The following LTV1 variants were observed in gnomAD, a reference collection of about 807,000 sequenced individuals.
LTV1 encodes protein LTV1 homolog.
A neutral mutation model predicts 59.9 loss-of-function variants in LTV1; 39 were observed. That is an observed-to-expected ratio of 0.65 (90% CI 0.50 to 0.85). LTV1 has a LOEUF of 0.85. Ranked by LOEUF, LTV1 falls within the 40% of genes least tolerant of loss-of-function variation. The pLI is 0.00. For synonymous variants in LTV1, 171 were observed against 189.5 expected, an observed-to-expected ratio of 0.90 and a Z score of 0.80; for missense variants, 493 against 549.1, an observed-to-expected ratio of 0.90 and a Z score of 1.02.
intron 4 of LTV1, among the ~76,000 whole-genome samples, chr6:143,853,962 T>TC: frequency 6.6e-6 from 1 of 152,358 alleles, no homozygotes; most frequent in Non-Finnish European, 1.5e-5. Flanking sequence ...GATGCTGGCC[T>TC]CATAAAATGA....
intron 6 of LTV1, among the ~76,000 whole-genome samples, chr6:143,859,970 G>C (rs1005067628): frequency 2.0e-5 from 3 of 152,120 alleles, no homozygotes; most frequent in Admixed American, 2.0e-4. Context: ...TGGTATGGTG[G>C]CATGTGCCTG....
chr6:143,860,352 A>T (rs1305317526), intron 6 of LTV1, 74 bp from the exon 7 acceptor site: 31 of 1,375,404 alleles, frequency 2.3e-5, no homozygotes, highest in Non-Finnish European at 3.0e-5. Context: ...AGTTAATGTA[A>T]AAAAATTTTT....
At chr6:143,846,533 A>G (rs1315550869) in intron 3 of LTV1, among the ~76,000 whole-genome samples, 1 of 152,238 alleles carries the variant, frequency 6.6e-6, no homozygotes, top group African/African-American at 2.4e-5. Flanking sequence ...TGTTAACAAC[A>G]TAACTGTTTT....
chr6:143,847,258 A>C (rs749519566), intron 3 of LTV1, among the ~76,000 whole-genome samples: 2 of 152,222 alleles, frequency 1.3e-5, no homozygotes, highest in Non-Finnish European at 2.9e-5. Flanking sequence ...CTATTGAAGG[A>C]GAGAAGGGGT....
rs1777204691 is a variant in LTV1, at chr6:143,863,275, G to A, written c.1306G>A (p.Glu436Lys). The A allele has an allele frequency of 6.2e-7, 1 of 1,613,566 alleles. No homozygotes were observed. The highest frequency in any genetic ancestry group is 1.1e-5 in the South Asian group (1 of 91,022). Reference protein sequence around the residue: ...DKRARKQAIKEERKERRVEKK... With the variant: ...DKRARKQAIKKERKERRVEKK... ...AAGAGCAAGAAAGCAAGCTATAAAA[G>A]AAGAGCGCAAGGTAAAATATATTTT... The change falls in exon 10 of 11, where the codon GAA (glutamate) becomes AAA (lysine). Residue 436 changes from glutamate (E) to lysine (K), a missense_variant. Transcript: ENST00000367576. The surrounding 1 kb of genome is among the most constrained non-coding windows in gnomAD (Gnocchi z 4.5).
At chr6:143,860,669 A>G (rs1403555047) in intron 7 of LTV1, 116 bp downstream of exon 7, 3 of 823,282 alleles carry the variant, frequency 3.6e-6, no homozygotes, top group Admixed American at 3.0e-5. Flanking sequence ...GTCAAAATAC[A>G]TATTGAGAAA....
At chr6:143,861,827 T>TTTTTTTTTTTTTTTTTTTTTTTTTTTTTG (rs1554235515) in intron 7 of LTV1, among the ~76,000 whole-genome samples, 1 of 151,532 alleles carries the variant, frequency 6.6e-6, no homozygotes, top group African/African-American at 2.4e-5. Context: ...TATGCTTTTT[T>TTTTTTTTTTTTTTTTTTTTTTTTTTTTTG]AGGCTTTAAA....
intron 6 of LTV1, chr6:143,858,638 G>GATAGAATA (rs1489497783): frequency 2.6e-5 from 4 of 153,422 alleles, no homozygotes; most frequent in African/African-American, 9.7e-5. Context: ...TTTCCTTCAA[G>GATAGAATA]GTGACTCTAA....
At chr6:143,846,845 A>T (rs1776900531) in intron 3 of LTV1, among the ~76,000 whole-genome samples, 1 of 152,148 alleles carries the variant, frequency 6.6e-6, no homozygotes, top group South Asian at 2.1e-4. Context: ...ATGTAGAGTA[A>T]ATTTTCCTGT....
At position 143,863,580 on chromosome 6, in the gene LTV1, T is replaced by TATTG; in HGVS notation, c.*55_*58dup. The TATTG allele has an allele frequency of 8.3e-7, 1 of 1,197,656 alleles. No homozygotes were observed. The highest frequency in any genetic ancestry group is 1.2e-6 in the Non-Finnish European group (1 of 847,182). The allele number at this position is 1,197,656 out of a possible 1,614,324, so 74.2% of individuals were successfully genotyped here. ...TTATTAGGGGCTCCTCATCTTTGGT[T>TATTG]ATTGACTAGAAACTTCAGAAAGACA... On this transcript the variant is annotated 3_prime_UTR_variant, in exon 11 of 11. Transcript: ENST00000367576. The surrounding 1 kb of genome is among the most constrained non-coding windows in gnomAD (Gnocchi z 4.5).
Position 143,862,050 on chromosome 6 carries a change from TA to T in LTV1, c.924-52del. The T allele has an allele frequency of 6.4e-7, 1 of 1,574,300 alleles. No individual in the cohort carries two copies. Among genetic ancestry groups the T allele is most frequent in the Non-Finnish European group, 8.6e-7 (1 of 1,159,580 alleles). ...TTGCAGTTTTAGTGACATAGTATAA[TA>T]ATAGGTCATTTTTCCCCCTCTTGGT... is the stretch of plus-strand genomic sequence containing the variant. On this transcript the variant is annotated intron_variant, in intron 7 of 10. Coordinates refer to ENST00000367576, the MANE Select transcript of LTV1 (RefSeq NM_032860.5). The surrounding 1 kb of genome is among the most constrained non-coding windows in gnomAD (Gnocchi z 4.2).
chr6:143,850,326 T>C (rs1415110457), intron 4 of LTV1, 108 bp downstream of exon 4: 3 of 762,358 alleles, frequency 3.9e-6, no homozygotes, highest in Non-Finnish European at 6.5e-6. Context: ...ACAATTGAGA[T>C]ATGTCTGGAA....
chr6:143,858,496 A>G (rs1008396392), intron 6 of LTV1: 50 of 158,958 alleles, frequency 3.1e-4, no homozygotes, highest in African/African-American at 1.1e-3. Flanking sequence ...GTCTCAGATT[A>G]GAATGTGAAT....
In LTV1 at chr6:143,846,051, A is replaced by G. The variant is rs765391593; in HGVS notation, c.136A>G (p.Ile46Val). The G allele has an allele frequency of 1.2e-6, 2 of 1,612,578 alleles. No homozygotes were observed. The highest frequency in any genetic ancestry group is 1.7e-4 in the Middle Eastern group (1 of 6,050). The stretch of plus-strand genomic sequence containing the variant: ...AGTACTAATTCCATTTCGTTTATAG[A>G]TAGACAATGAAGAAAGGCGAGCAGA... ...PQRVLLPTQK[I>V]DNEERRAEQR... Residue 46 changes from isoleucine (I) to valine (V), a missense_variant and splice_region_variant, in exon 3 of 11, where the codon ATA becomes GTA. Transcript: ENST00000367576.
rs750069906 is a variant in LTV1 at position 143,850,213 on chromosome 6, T to G, written c.392T>G (p.Val131Gly). 3 of 1,611,264 alleles carry G rather than the reference T, an allele frequency of 1.9e-6. No homozygotes were observed. In the Admixed American group the frequency reaches 5.0e-5, roughly 27 times the overall value. Residue 131 changes from valine to glycine, a missense_variant, in exon 4 of 11, where the codon GTT becomes GGT. Coordinates refer to ENST00000367576, the MANE Select transcript of LTV1 (RefSeq NM_032860.5). The part of the protein sequence containing the change: ...DVGLLNKAAP[V>G]SGPRLDFDPD... ...GGATTGTTAAATAAAGCAGCTCCAG[T>G]TTCAGGTATTTTTAATTGCTTTATC...
chr6:143,860,801 G>A (rs546538994), intron 7 of LTV1, among the ~76,000 whole-genome samples: 120 of 152,210 alleles, frequency 7.9e-4, no homozygotes, highest in African/African-American at 2.8e-3. Flanking sequence ...GGTGTTAAAT[G>A]TTCTGAAGTA....
chr6:143,862,375 A>G lies in LTV1; in HGVS notation c.1063+132A>G. 3 of 683,902 alleles carry G rather than the reference A, an allele frequency of 4.4e-6. No individual in the cohort carries two copies. The highest frequency in any genetic ancestry group is 7.1e-6 in the Non-Finnish European group (3 of 425,294). 42.4% of individuals were successfully genotyped at this position (683,902 alleles called of 1,614,324 possible). A position where few individuals can be genotyped will look rare whatever the true frequency, so the allele number is the denominator to read the frequency against. On this transcript the variant is annotated intron_variant, in intron 8 of 10. Coordinates refer to ENST00000367576, the MANE Select transcript of LTV1 (RefSeq NM_032860.5). The surrounding 1 kb of genome is among the most constrained non-coding windows in gnomAD (Gnocchi z 4.2). ...CGAGGCGGGTGGGTCACCTGATGTCAGGAGTTCAAGACCAGCCTGGCCAAC... is the reference window on the plus strand; with the variant it reads ...CGAGGCGGGTGGGTCACCTGATGTCGGGAGTTCAAGACCAGCCTGGCCAAC...
In LTV1 at chr6:143,846,313, C is replaced by T. The variant is rs543475579; in HGVS notation, c.309+89C>T. ...TCTGTTTGGGGCAAGAAATGGTGTCCGTATGAAGAGCACAAAGATAGACCA... is the reference window on the plus strand; with the variant it reads ...TCTGTTTGGGGCAAGAAATGGTGTCTGTATGAAGAGCACAAAGATAGACCA... On this transcript the variant is annotated intron_variant, in intron 3 of 10. Coordinates refer to ENST00000367576, the MANE Select transcript of LTV1 (RefSeq NM_032860.5). The T allele has an allele frequency of 6.3e-5, 78 of 1,246,974 alleles. 1 individual carries two copies. The South Asian group carries it at 7.7e-4, about 12-fold the overall frequency. The allele number at this position is 1,246,974 out of a possible 1,614,324, so 77.2% of individuals were successfully genotyped here.
At chr6:143,847,439 G>A (rs980626091) in intron 3 of LTV1, among the ~76,000 whole-genome samples, 9 of 152,296 alleles carry the variant, frequency 5.9e-5, no homozygotes, top group South Asian at 2.1e-4. Context: ...TCGGCTCACC[G>A]CAACCTCCGC....
Sources: allele counts gnomAD v4.1 joint callset (sites outside exome capture counted in the v4.1 genomes callset), GRCh38; gene constraint gnomAD v4.1.1; non-coding constraint Gnocchi (gnomAD v3.1); transcripts MANE v1.5; gene names NCBI Gene and HGNC (gene_info 2026-07-23, HGNC 2026-07-21).